MYPN: variants seen among roughly 807,000 people sequenced by gnomAD.
MYPN encodes the protein sarcomeric protein myopalladin, 145 kDa (MYOP).
Under a neutral mutation model 129.4 loss-of-function variants are expected in MYPN, and 63 were observed. The observed-to-expected ratio is 0.49, with a 90% confidence interval of 0.40 to 0.60. MYPN has a LOEUF of 0.60. MYPN is among the 20% of genes least tolerant of loss of function. The pLI is 0.00. For missense variants in MYPN, 1,596 were observed against 1,635.4 expected, an observed-to-expected ratio of 0.98 and a Z score of 0.42; for synonymous variants, 629 against 600.9, an observed-to-expected ratio of 1.05 and a Z score of -0.68.
chr10:68,178,893 T>C (rs1457920903), intron 12 of MYPN, among the ~76,000 whole-genome samples: 1 of 151,784 alleles, frequency 6.6e-6, no homozygotes, highest in African/African-American at 2.4e-5. Flanking sequence ...CCAGCTAATG[T>C]CTTATTCCAA....
At chr10:68,143,667 G>T (rs967257021) in intron 3 of MYPN, among the ~76,000 whole-genome samples, 1 of 152,282 alleles carries the variant, frequency 6.6e-6, no homozygotes, top group South Asian at 2.1e-4. Context: ...CAAGGACTTT[G>T]GTTTTGACCC....
intron 8 of MYPN, 68 bp downstream of exon 8, chr10:68,161,820 A>G: frequency 1.7e-6 from 2 of 1,206,828 alleles, no homozygotes; most frequent in Non-Finnish European, 2.4e-6. Context: ...ATACATAATG[A>G]AGTTACACTG....
chr10:68,088,634 C>T (rs1411222261), intron 1 of MYPN, among the ~76,000 whole-genome samples: 1 of 152,176 alleles, frequency 6.6e-6, no homozygotes, highest in African/African-American at 2.4e-5. Context: ...TTTGAAGTTA[C>T]AGCTCCTCAT....
At chr10:68,173,233 G>A (rs1157371028) in intron 10 of MYPN, among the ~76,000 whole-genome samples, 12 of 152,158 alleles carry the variant, frequency 7.9e-5, no homozygotes, top group Non-Finnish European at 1.3e-4. Context: ...TCTTTGTTAA[G>A]GTCGGCTCTA....
At chr10:68,097,515 G>T (rs1032135861) in intron 1 of MYPN, among the ~76,000 whole-genome samples, 2 of 152,028 alleles carry the variant, frequency 1.3e-5, no homozygotes, top group Non-Finnish European at 2.9e-5. Flanking sequence ...AATAGTGGTG[G>T]TTTACATTTA....
At chr10:68,165,477 G>A (rs1054429823) in intron 8 of MYPN, 1 of 625,136 alleles carries the variant, frequency 1.6e-6, no homozygotes, top group Non-Finnish European at 3.0e-6. Flanking sequence ...CCCCTTGTCA[G>A]TACTTGGCCT....
rs543092546 is a variant in MYPN, at chr10:68,142,174, C to T, written c.903-766C>T. 2.5e-4 allele frequency among the ~76,000 whole-genome samples: 38 copies of T among 152,276 alleles called. No homozygotes were observed. In the East Asian group the frequency reaches 3.5e-3, roughly 14 times the overall value. ...GTTTATGCCATTCACAGTAGCAATG[C>T]GTAAGAGTGGTCAAACATTTAGAGT... On this transcript the variant is annotated intron_variant, in intron 2 of 19. Transcript: ENST00000358913.
intron 1 of MYPN, among the ~76,000 whole-genome samples, chr10:68,091,710 A>G (rs1214039898): frequency 6.6e-5 from 10 of 151,128 alleles, no homozygotes; most frequent in Non-Finnish European, 1.2e-4. Context: ...CTACAGCCCA[A>G]ATTTGCTCGT....
chr10:68,198,547 T>A (rs2043650287), intron 16 of MYPN, among the ~76,000 whole-genome samples: 1 of 152,194 alleles, frequency 6.6e-6, no homozygotes, highest in South Asian at 2.1e-4. Context: ...TCTTCTTCTC[T>A]CTGTGGCTGC....
At chr10:68,199,650 G>A in intron 17 of MYPN, 75 bp downstream of exon 17, 1 of 1,440,142 alleles carries the variant, frequency 6.9e-7, no homozygotes, top group African/African-American at 1.4e-5. Flanking sequence ...GCCTCTGCCA[G>A]AATTCCTTCA....
rs143942180 is a variant in MYPN at position 68,166,294 on chromosome 10, G to A, written c.1601G>A (p.Gly534Glu). The A allele has an allele frequency of 6.2e-7, 1 of 1,614,026 alleles. No homozygotes were observed. Among genetic ancestry groups the A allele is most frequent in the Non-Finnish European group, 8.5e-7 (1 of 1,180,022 alleles). The change falls in exon 10 of 20, where the codon GGA becomes GAA. Residue 534 changes from glycine (G) to glutamate (E), a missense_variant and splice_region_variant. By Grantham distance (98) the Gly-to-Glu change is moderately conservative (BLOSUM62 -2). Transcript: ENST00000358913. Reference protein sequence around the residue: ...VSSIAQLHVRGNEDLSNNGSL... With the variant: ...VSSIAQLHVRENEDLSNNGSL... ...TCAGGTCCTGTGATTGTCCTTTCAG[G>A]AAATGAGGACCTCAGCAACAACGGG...
At chr10:68,160,058 C>T (rs2042947448) in intron 7 of MYPN, among the ~76,000 whole-genome samples, 1 of 152,112 alleles carries the variant, frequency 6.6e-6, no homozygotes, top group Non-Finnish European at 1.5e-5. Flanking sequence ...TGAATCAGAG[C>T]TACTCTCAGG....
rs186450686 is a variant in MYPN, at chr10:68,140,582, G to T, written c.903-2358G>T. ...TGGTAAAATATAGCTTTGTGGAGGA[G>T]GTAATATCTGAGCCAAATTTTGATG... On this transcript the variant is annotated intron_variant, in intron 2 of 19. Coordinates refer to ENST00000358913, the MANE Select transcript of MYPN (RefSeq NM_032578.4). 3.3e-3 allele frequency among the ~76,000 whole-genome samples: 497 copies of T among 151,846 alleles called. 2 individuals are homozygous for T. Among genetic ancestry groups the T allele is most frequent in the Non-Finnish European group, 5.4e-3 (367 of 67,928 alleles).
chr10:68,145,253 A>G (rs1400962603), intron 3 of MYPN, among the ~76,000 whole-genome samples: 1 of 151,908 alleles, frequency 6.6e-6, no homozygotes, highest in East Asian at 1.9e-4. Context: ...CGAACTCCGG[A>G]CCTCAGGTGA....
chr10:68,148,600 C>G (rs1589556775), intron 5 of MYPN, 133 bp downstream of exon 5: 1 of 778,914 alleles, frequency 1.3e-6, no homozygotes, highest in Non-Finnish European at 2.3e-6. Context: ...CCTTGTATTT[C>G]TGATGTTTGA....
rs770562444 is a variant in MYPN at position 68,195,519 on chromosome 10, G to A, written c.3145G>A (p.Gly1049Ser). ...CATTCGCAGTCGGCTAACCTCTGCTGGTCAGTCTCACAGGTAAAGACAGTA... is the reference window on the plus strand; with the variant it reads ...CATTCGCAGTCGGCTAACCTCTGCTAGTCAGTCTCACAGGTAAAGACAGTA... ...LPIRSRLTSA[G>S]QSHRGRSRVQ... Residue 1049 changes from glycine (G) to serine (S), a missense_variant, in exon 15 of 20, where the codon GGT becomes AGT. Transcript: ENST00000358913. 1 of 1,613,776 alleles carries A rather than the reference G, an allele frequency of 6.2e-7. No homozygotes were observed. The highest frequency in any genetic ancestry group is 1.3e-5 in the African/African-American group (1 of 74,896).
chr10:68,122,834 G>A (rs139682332), intron 2 of MYPN, among the ~76,000 whole-genome samples: 16,815 of 151,932 alleles, frequency 0.11, 987 homozygotes, highest in South Asian at 0.17. Flanking sequence ...CCCGGGAGAC[G>A]GAGGTTGCGG....
intron 10 of MYPN, among the ~76,000 whole-genome samples, chr10:68,171,502 T>C (rs1350718832): frequency 6.6e-6 from 1 of 152,250 alleles, no homozygotes; most frequent in East Asian, 1.9e-4. Flanking sequence ...GAAACCTGTG[T>C]TTTAACAGGC....
At chr10:68,193,826 C>CACAT (rs1288465752) in intron 13 of MYPN, among the ~76,000 whole-genome samples, 1 of 35,002 alleles carries the variant, frequency 2.9e-5, no homozygotes, top group East Asian at 4.4e-4. Flanking sequence ...CACACACACA[C>CACAT]ACACACACAC....
Sources: gnomAD v4.1 joint callset for allele counts (sites outside exome capture counted in the v4.1 genomes callset) on GRCh38, gnomAD v4.1.1 for gene constraint, MANE v1.5 for transcripts, NCBI Gene and HGNC (gene_info 2026-07-23, HGNC 2026-07-21) for gene names.